EIF1: variants seen among roughly 807,000 people sequenced by gnomAD.
EIF1 encodes eukaryotic translation initiation factor 1.
EIF1 carries 4 observed loss-of-function variants against 13.7 expected under a neutral mutation model. The ratio of observed to expected loss-of-function variants is 0.29; its 90% CI spans 0.14 to 0.67. The LOEUF is 0.67. Among genes scored for constraint, EIF1 ranks in the 30% least tolerant of loss-of-function variants. EIF1 has a pLI of 0.77. For missense variants in EIF1, 64 were observed against 138.0 expected, an observed-to-expected ratio of 0.46 and a Z score of 2.69; for synonymous variants, 67 against 50.7, an observed-to-expected ratio of 1.32 and a Z score of -1.37.
chr17:41,689,474 C>T (rs1910303751), intron 1 of EIF1: 1 of 451,396 alleles, frequency 2.2e-6, no homozygotes, highest in South Asian at 3.2e-5. Flanking sequence ...AGCCCCGCCT[C>T]GGGAGCTCGG....
rs945321955 is a variant in EIF1, at chr17:41,691,024, A to G, written c.*198A>G. 1 of 603,080 alleles carries G rather than the reference A, an allele frequency of 1.7e-6. No individual in the cohort carries two copies. Among genetic ancestry groups the G allele is most frequent in the Non-Finnish European group, 2.9e-6 (1 of 342,862 alleles). The allele number at this position is 603,080 out of a possible 1,614,324, so 37.4% of individuals were successfully genotyped here. On this transcript the variant is annotated 3_prime_UTR_variant, in exon 4 of 4. Coordinates refer to ENST00000469257, the MANE Select transcript of EIF1 (RefSeq NM_005801.4). Reference sequence around the variant, plus strand: ...ATGCTGTCTAGTCTTGAAGTCCCTCATTTAAACAGAGGTCAAGCAATAGGC... The same window carrying G: ...ATGCTGTCTAGTCTTGAAGTCCCTCGTTTAAACAGAGGTCAAGCAATAGGC...
Position 41,691,616 on chromosome 17 carries a change from C to T in EIF1, c.*790C>T, listed in dbSNP as rs963963878. Reference sequence around the variant, plus strand: ...ATGTTATGTGTAATGTATTTAAACCCTTATTTAAATAAAACTTGTTTTCAG... The same window carrying T: ...ATGTTATGTGTAATGTATTTAAACCTTTATTTAAATAAAACTTGTTTTCAG... On this transcript the variant is annotated 3_prime_UTR_variant, in exon 4 of 4. Coordinates refer to ENST00000469257, the MANE Select transcript of EIF1 (RefSeq NM_005801.4). The T allele has an allele frequency of 6.6e-6, 1 of 152,456 alleles. No homozygotes were observed. The highest frequency in any genetic ancestry group is 2.4e-5 in the African/African-American group (1 of 41,358). The allele number at this position is 152,456 out of a possible 1,614,324, so 9.4% of individuals were successfully genotyped here.
chr17:41,689,017 C>G lies in EIF1; in HGVS notation c.-22C>G. The G allele has an allele frequency of 6.2e-7, 1 of 1,613,152 alleles. No individual in the cohort carries two copies. Among genetic ancestry groups the G allele is most frequent in the Non-Finnish European group, 8.5e-7 (1 of 1,179,778 alleles). ...GCCGCCTTCCGCAGGCCGTTTCCAC[C>G]GAGGAAAAGGAATCGTATCGTATGT... On this transcript the variant is annotated 5_prime_UTR_variant, in exon 1 of 4. Transcript: ENST00000469257.
In EIF1 at chr17:41,691,195, A is replaced by C. The variant is rs781170414; in HGVS notation, c.*369A>C. ...ACCCTAAGAGAATGTTACCACCTGA[A>C]CAGTCCTCGGTGAATCTGAGAGGAG... On this transcript the variant is annotated 3_prime_UTR_variant, in exon 4 of 4. Transcript: ENST00000469257. 3 of 438,554 alleles carry C rather than the reference A, an allele frequency of 6.8e-6. No homozygotes were observed. In the South Asian group the frequency reaches 1.7e-4, roughly 24 times the overall value. The allele number at this position is 438,554 out of a possible 1,614,324, so 27.2% of individuals were successfully genotyped here.
intron 3 of EIF1, 123 bp from the exon 4 acceptor site, chr17:41,690,659 C>G: frequency 9.9e-7 from 1 of 1,011,200 alleles, no homozygotes; most frequent in Non-Finnish European, 1.5e-6. Flanking sequence ...TCTGTTGAAC[C>G]ATTGTGCGCA....
rs981951158 is a variant in EIF1 at position 41,690,643 on chromosome 17, G to A, written c.298-139G>A. 3 of 824,772 alleles carry A rather than the reference G, an allele frequency of 3.6e-6. No homozygotes were observed. The Admixed American group carries it at 7.5e-5, about 21-fold the overall frequency. The allele number at this position is 824,772 out of a possible 1,614,324, so 51.1% of individuals were successfully genotyped here. ...TTCAAAAAAGGTAGCTCTTAACTGA[G>A]GACCCTCTGTTGAACCATTGTGCGC... On this transcript the variant is annotated intron_variant, in intron 3 of 3. Coordinates refer to ENST00000469257, the MANE Select transcript of EIF1 (RefSeq NM_005801.4).
chr17:41,689,644 G>GA (rs1910312887), intron 1 of EIF1, 134 bp from the exon 2 acceptor site: 1 of 876,092 alleles, frequency 1.1e-6, no homozygotes, highest in Non-Finnish European at 1.7e-6. Context: ...GCCAGCAAAG[G>GA]ACACATTCGG....
chr17:41,689,948 C>A lies in EIF1; in HGVS notation c.195+7C>A, dbSNP rs1404992721. ...AGTGAAGGCGTTTAAGAAAGTAGGT[C>A]TTCAGTGAGATTTTGGGAAAGTCAT... On this transcript the variant is annotated splice_region_variant and intron_variant, in intron 2 of 3. Coordinates refer to ENST00000469257, the MANE Select transcript of EIF1 (RefSeq NM_005801.4). 1 of 1,609,720 alleles carries A rather than the reference C, an allele frequency of 6.2e-7. No individual in the cohort carries two copies. Among genetic ancestry groups the A allele is most frequent in the African/African-American group, 1.3e-5 (1 of 74,676 alleles).
rs761599603 is a variant in EIF1 at position 41,690,096 on chromosome 17, C to G, written c.204C>G (p.Ala68=). The change falls in exon 3 of 4, where the codon GCC becomes GCG. Residue 68 remains alanine, a synonymous_variant. Transcript: ENST00000469257. ...TTCCTTTGTGCTTGCAGAAGTTTGC[C>G]TGCAATGGTACTGTAATTGAGCATC... The part of the protein sequence containing the change: ...KLVKAFKKKF[A]CNGTVIEHPE... 36 of 1,614,008 alleles carry G rather than the reference C, an allele frequency of 2.2e-5. No homozygotes were observed. The South Asian group carries it at 3.5e-4, about 16-fold the overall frequency.
chr17:41,688,894 A>G lies in EIF1; in HGVS notation c.-145A>G, dbSNP rs1447925065. On this transcript the variant is annotated 5_prime_UTR_variant, in exon 1 of 4. Transcript: ENST00000469257. ...CAGGCACCGCCCCTCTGCCCCAGTC[A>G]CTGAGCCGCCGCCGAGGATTCAGCA... 2.6e-6 allele frequency: 2 copies of G among 776,228 alleles called. No individual in the cohort carries two copies. The highest frequency in any genetic ancestry group is 4.2e-6 in the Non-Finnish European group (2 of 473,440). 48.1% of individuals were successfully genotyped at this position (776,228 alleles called of 1,614,324 possible).
chr17:41,689,493 G>C, intron 1 of EIF1: 1 of 455,610 alleles, frequency 2.2e-6, no homozygotes, highest in Non-Finnish European at 3.9e-6. Flanking sequence ...GGGTTCCGGC[G>C]GGTTGCATCA....
chr17:41,688,896 T>G lies in EIF1; in HGVS notation c.-143T>G. 1.3e-6 allele frequency: 1 copy of G among 797,782 alleles called. No individual in the cohort carries two copies. Among genetic ancestry groups the G allele is most frequent in the Non-Finnish European group, 2.0e-6 (1 of 492,406 alleles). 49.4% of individuals were successfully genotyped at this position (797,782 alleles called of 1,614,324 possible). On this transcript the variant is annotated 5_prime_UTR_variant, in exon 1 of 4. Transcript: ENST00000469257. ...GGCACCGCCCCTCTGCCCCAGTCAC[T>G]GAGCCGCCGCCGAGGATTCAGCAGC...
intron 1 of EIF1, 91 bp downstream of exon 1, chr17:41,689,160 G>A (rs988585099): frequency 1.6e-5 from 22 of 1,417,506 alleles, no homozygotes; most frequent in Non-Finnish European, 2.1e-5. Flanking sequence ...AGCGCTCCGG[G>A]CCTTCGTAAG....
chr17:41,689,283 C>T (rs891533655), intron 1 of EIF1: 11 of 613,030 alleles, frequency 1.8e-5, no homozygotes, highest in Admixed American at 3.0e-5. Flanking sequence ...AGCCCTTGGG[C>T]GGGCCCGGCG....
chr17:41,691,101 G>T lies in EIF1; in HGVS notation c.*275G>T. 2 of 552,312 alleles carry T rather than the reference G, an allele frequency of 3.6e-6. No individual in the cohort carries two copies. Among genetic ancestry groups the T allele is most frequent in the Non-Finnish European group, 6.5e-6 (2 of 308,976 alleles). The allele number at this position is 552,312 out of a possible 1,614,324, so 34.2% of individuals were successfully genotyped here. ...AGCAATACCGTCATGTTTCAGCCAA[G>T]CCCAGAGCCCTAAGATTACAAACAA... is the stretch of plus-strand genomic sequence containing the variant. On this transcript the variant is annotated 3_prime_UTR_variant, in exon 4 of 4. Coordinates refer to ENST00000469257, the MANE Select transcript of EIF1 (RefSeq NM_005801.4).
At chr17:41,690,042 G>A (rs910799151) in intron 2 of EIF1, 46 bp from the exon 3 acceptor site, 2 of 1,610,450 alleles carry the variant, frequency 1.2e-6, no homozygotes, top group African/African-American at 2.7e-5. Flanking sequence ...TGATAAATGC[G>A]TTCATGCTCT....
At position 41,689,793 on chromosome 17, in the gene EIF1, C is replaced by G; in HGVS notation, c.47C>G (p.Ala16Gly). The G allele has an allele frequency of 6.2e-7, 1 of 1,603,358 alleles. No homozygotes were observed. Among genetic ancestry groups the G allele is most frequent in the Non-Finnish European group, 8.5e-7 (1 of 1,175,392 alleles). ...NLHSFDPFAD[A>G]SKGDDLLPAG... ...TTTTTTTCAGACCCCTTTGCTGATG[C>G]AAGTAAGGGTGATGACCTGCTTCCT... Residue 16 changes from alanine (A) to glycine (G), a missense_variant, in exon 2 of 4, where the codon GCA becomes GGA. Physicochemically the swap from Ala to Gly is moderately conservative, Grantham distance 60 (BLOSUM62 0). Around this residue, in one of 2 missense-constraint regions of EIF1, gnomAD observed 29 missense variants for 34.7 expected, o/e 0.84. Coordinates refer to ENST00000469257, the MANE Select transcript of EIF1 (RefSeq NM_005801.4).
rs1804484 is a variant in EIF1, at chr17:41,690,980, C to T, written c.*154C>T. 1 of 745,806 alleles carries T rather than the reference C, an allele frequency of 1.3e-6. No individual in the cohort carries two copies. The highest frequency in any genetic ancestry group is 2.2e-6 in the Non-Finnish European group (1 of 446,948). The allele number at this position is 745,806 out of a possible 1,614,324, so 46.2% of individuals were successfully genotyped here. ...CTTGGACTAGTGTAACTCCTTCATG[C>T]AATAAACTGAAAAGAGCCATGCTGT... On this transcript the variant is annotated 3_prime_UTR_variant, in exon 4 of 4. Coordinates refer to ENST00000469257, the MANE Select transcript of EIF1 (RefSeq NM_005801.4).
intron 1 of EIF1, 139 bp downstream of exon 1, chr17:41,689,208 C>A: frequency 9.9e-7 from 1 of 1,014,250 alleles, no homozygotes; most frequent in Non-Finnish European, 1.5e-6. Flanking sequence ...CGCAGGGCAG[C>A]GGGATCAAGG....
Sources: gnomAD v4.1 joint callset for allele counts on GRCh38, gnomAD v4.1.1 for gene constraint, gnomAD v4.1.1 regional missense constraint, MANE v1.5 for transcripts, NCBI Gene and HGNC (gene_info 2026-07-23, HGNC 2026-07-21) for gene names.